GDPGP1: variants seen among roughly 807,000 people sequenced by gnomAD.
GDPGP1 encodes the protein GDP-D-glucose phosphorylase C15orf58.
Under a neutral mutation model 19.2 loss-of-function variants are expected in GDPGP1, and 18 were observed. The observed-to-expected ratio is 0.94, with a 90% CI of 0.65 to 1.39. The LOEUF is 1.39. Among genes scored for constraint, GDPGP1 ranks in the 40% most tolerant of loss-of-function variants. The pLI, the probability that GDPGP1 is intolerant of heterozygous loss-of-function variation, is 0.00. For synonymous variants in GDPGP1, 219 were observed against 208.9 expected (o/e 1.05, Z -0.42); for missense variants, 449 against 490.5 (o/e 0.92, Z 0.80).
At position 90,241,099 on chromosome 15, in the gene GDPGP1, G is replaced by GCT; in HGVS notation, c.194_195dup (p.Ala66LeufsTer34). The GCT allele has an allele frequency of 6.2e-7, 1 of 1,614,160 alleles. No individual in the cohort carries two copies. Among genetic ancestry groups the GCT allele is most frequent in the Non-Finnish European group, 8.5e-7 (1 of 1,180,020 alleles). ...CAATCTCCCTTTGATGCTGCACTCT[G>GCT]CTCTGCCTGGAAGCAGCGGGTGGAG... is the stretch of plus-strand genomic sequence containing the variant. On this transcript the variant is annotated frameshift_variant, in exon 4 of 4. Transcript: ENST00000329600. LOFTEE classifies it high-confidence loss of function.
chr15:90,241,210 A>T lies in GDPGP1; in HGVS notation c.302A>T (p.Glu101Val). Residue 101 changes from glutamate (E) to valine (V), a missense_variant, in exon 4 of 4, where the codon GAG becomes GTG. Transcript: ENST00000329600. ...GGTTTCGTGGCTCAGCTGAATGTGGAGCGTGGTGTGCAGAGGAGGCCCCCG... is the reference window on the plus strand; with the variant it reads ...GGTTTCGTGGCTCAGCTGAATGTGGTGCGTGGTGTGCAGAGGAGGCCCCCG... ...AVGFVAQLNVERGVQRRPPQT... is the reference protein window; with the variant it reads ...AVGFVAQLNVVRGVQRRPPQT... 6.2e-7 allele frequency: 1 copy of T among 1,614,122 alleles called. No homozygotes were observed. The highest frequency in any genetic ancestry group is 8.5e-7 in the Non-Finnish European group (1 of 1,180,026).
intron 3 of GDPGP1, among the ~76,000 whole-genome samples, chr15:90,239,780 C>T (rs1370975289): frequency 6.6e-6 from 1 of 152,194 alleles, no homozygotes; most frequent in African/African-American, 2.4e-5. Context: ...GCGATCTCGG[C>T]AGTGCCTGGT....
At chr15:90,239,581 G>A (rs1567072076) in intron 3 of GDPGP1, among the ~76,000 whole-genome samples, 2 of 152,120 alleles carry the variant, frequency 1.3e-5, no homozygotes, top group African/African-American at 4.8e-5. Context: ...TCACTATCAC[G>A]AGAACAGCAT....
chr15:90,237,443 G>A (rs952911650), intron 2 of GDPGP1, among the ~76,000 whole-genome samples: 3 of 151,278 alleles, frequency 2.0e-5, no homozygotes, highest in African/African-American at 4.9e-5. Context: ...CCACCACCAC[G>A]CCCAGCTAAT....
chr15:90,241,400 G>T lies in GDPGP1; in HGVS notation c.492G>T (p.Trp164Cys), dbSNP rs144466387. 2,395 of 1,613,834 alleles carry T rather than the reference G, an allele frequency of 1.5e-3. 8 individuals carry two copies. Among genetic ancestry groups the T allele is most frequent in the Middle Eastern group, 2.0e-3 (12 of 6,062 alleles). Residue 164 changes from tryptophan to cysteine, a missense_variant, in exon 4 of 4, where the codon TGG (tryptophan) becomes TGT (cysteine). By Grantham distance (215) the Trp-to-Cys change is radical. Coordinates refer to ENST00000329600, the MANE Select transcript of GDPGP1 (RefSeq NM_001013657.3). ...LVVINVSPLE[W>C]GHVLLVPEPA... ...TGATCAACGTCAGCCCCCTGGAGTGGGGCCACGTGCTGCTGGTGCCTGAGC... is the reference window on the plus strand; with the variant it reads ...TGATCAACGTCAGCCCCCTGGAGTGTGGCCACGTGCTGCTGGTGCCTGAGC...
At chr15:90,240,095 T>TTCCTGTAA (rs1371569336) in intron 3 of GDPGP1, among the ~76,000 whole-genome samples, 2 of 148,448 alleles carry the variant, frequency 1.3e-5, no homozygotes, top group African/African-American at 2.6e-5. Context: ...TGGTGGCACA[T>TTCCTGTAA]TCCTATAATC....
chr15:90,238,234 A>G (rs1181076764), intron 2 of GDPGP1, among the ~76,000 whole-genome samples: 2 of 152,178 alleles, frequency 1.3e-5, no homozygotes, highest in African/African-American at 4.8e-5. Context: ...TGGGTGGTGG[A>G]GGTTGCAGTG....
chr15:90,236,322 C>G (rs1476950881), intron 2 of GDPGP1: 1 of 152,244 alleles, frequency 6.6e-6, no homozygotes, highest in African/African-American at 2.4e-5. Flanking sequence ...CAGGCGTGCG[C>G]CACTGCACCC....
In GDPGP1 at chr15:90,243,640, G is replaced by GTTTTTTTTTT. The variant is rs3029932; in HGVS notation, c.*1595_*1604dup. ...AAGATGCCACCACACCTTGGTGCAG[G>GTTTTTTTTTT]TTTTTTTTTTTTTTTTTTTTTTTTT... On this transcript the variant is annotated 3_prime_UTR_variant, in exon 4 of 4. Transcript: ENST00000329600. 1 of 99,408 alleles carries GTTTTTTTTTT rather than the reference G, an allele frequency of 1.0e-5. No homozygotes were observed. Among genetic ancestry groups the GTTTTTTTTTT allele is most frequent in the African/African-American group, 3.8e-5 (1 of 26,564 alleles). 6.2% of individuals were successfully genotyped at this position (99,408 alleles called of 1,614,324 possible).
chr15:90,235,483 C>A (rs1342920874), intron 2 of GDPGP1, among the ~76,000 whole-genome samples: 1 of 151,948 alleles, frequency 6.6e-6, no homozygotes, highest in Non-Finnish European at 1.5e-5. Context: ...CACTGCAGTC[C>A]AGCCTGGGCA....
chr15:90,235,720 A>C (rs1962621026), intron 2 of GDPGP1, among the ~76,000 whole-genome samples: 2 of 151,840 alleles, frequency 1.3e-5, no homozygotes, highest in Admixed American at 6.6e-5. Context: ...GGCACCCGCC[A>C]CCACACCCGG....
chr15:90,240,856 G>A (rs1226819514), intron 3 of GDPGP1, 44 bp from the exon 4 acceptor site: 2 of 1,170,054 alleles, frequency 1.7e-6, no homozygotes, highest in Non-Finnish European at 2.5e-6. Context: ...AATCTCTGGA[G>A]GTGGGTTACC....
At chr15:90,240,341 C>G (rs1007550284) in intron 3 of GDPGP1, among the ~76,000 whole-genome samples, 3 of 151,196 alleles carry the variant, frequency 2.0e-5, no homozygotes, top group African/African-American at 7.3e-5. Context: ...AACCCTGCCT[C>G]TACTAAAAAT....
intron 3 of GDPGP1, 49 bp from the exon 4 acceptor site, chr15:90,240,851 C>T: frequency 8.9e-7 from 1 of 1,121,080 alleles, no homozygotes. Context: ...ATGACAATCT[C>T]TGGAGGTGGG....
At chr15:90,237,713 CT>C (rs770651390) in intron 2 of GDPGP1, among the ~76,000 whole-genome samples, 2 of 151,394 alleles carry the variant, frequency 1.3e-5, no homozygotes, top group South Asian at 2.1e-4. Flanking sequence ...TTTTTTTCTC[CT>C]TTTTTTGGTT....
chr15:90,234,868 T>G (rs1289416578), intron 2 of GDPGP1, among the ~76,000 whole-genome samples: 1 of 152,184 alleles, frequency 6.6e-6, no homozygotes, highest in Non-Finnish European at 1.5e-5. Flanking sequence ...GCATAATAAA[T>G]GAATGAACGT....
intron 2 of GDPGP1, 29 bp downstream of exon 2, chr15:90,234,625 T>C (rs1962592788): frequency 6.6e-6 from 1 of 151,800 alleles, no homozygotes; most frequent in Non-Finnish European, 1.5e-5. Flanking sequence ...AAGATGGAAA[T>C]ACGTAAGTCC....
Position 90,240,940 on chromosome 15 carries a change from C to A in GDPGP1, c.32C>A (p.Ser11Tyr). The A allele has an allele frequency of 6.2e-7, 1 of 1,614,012 alleles. No homozygotes were observed. The highest frequency in any genetic ancestry group is 8.5e-7 in the Non-Finnish European group (1 of 1,179,922). ...CTTCCACATGATTCAAACGAAACTT[C>A]CTATTTGCTGCCTCCCAACAATGAG... MALPHDSNET[S>Y]YLLPPNNEDW... The change falls in exon 4 of 4, where the codon TCC becomes TAC. Residue 11 changes from serine (S) to tyrosine (Y), a missense_variant. Physicochemically the swap from Ser to Tyr is moderately radical, Grantham distance 144 (BLOSUM62 -2). Coordinates refer to ENST00000329600, the MANE Select transcript of GDPGP1 (RefSeq NM_001013657.3).
chr15:90,242,306 A>G lies in GDPGP1; in HGVS notation c.*240A>G, dbSNP rs945813174. The stretch of plus-strand genomic sequence containing the variant: ...CGATTAGGTGATTTTGTATTTTTTT[A>G]TATAGACAGCGTTTCACCATGTTGC... On this transcript the variant is annotated 3_prime_UTR_variant, in exon 4 of 4. Coordinates refer to ENST00000329600, the MANE Select transcript of GDPGP1 (RefSeq NM_001013657.3). 3.6e-5 allele frequency: 8 copies of G among 219,372 alleles called. No homozygotes were observed. In the Admixed American group the frequency reaches 4.3e-4, roughly 12 times the overall value. The allele number at this position is 219,372 out of a possible 1,614,324, so 13.6% of individuals were successfully genotyped here. A position where few individuals can be genotyped will look rare whatever the true frequency, so the allele number is the denominator to read the frequency against.
Sources: allele counts gnomAD v4.1 joint callset (sites outside exome capture counted in the v4.1 genomes callset), GRCh38; gene constraint gnomAD v4.1.1; transcripts MANE v1.5; gene names NCBI Gene and HGNC (gene_info 2026-07-23, HGNC 2026-07-21).